MIDEAS: variants seen among roughly 807,000 people sequenced by gnomAD.
MIDEAS encodes the protein mitotic deacetylase associated SANT domain protein.
MIDEAS carries 26 observed loss-of-function variants against 102.7 expected under a neutral mutation model. That is an observed-to-expected ratio of 0.25 (90% confidence interval 0.19 to 0.35). The LOEUF (loss-of-function observed/expected upper bound fraction) is 0.35. Among genes scored for constraint, MIDEAS ranks in the 10% least tolerant of loss-of-function variants. MIDEAS has a pLI of 1.00. For missense variants in MIDEAS, 1,231 were observed against 1,435.6 expected (o/e 0.86, Z 2.30); for synonymous variants, 585 against 591.0 (o/e 0.99, Z 0.15).
chr14:73,777,357 A>T (rs2053700968), intron 1 of MIDEAS, among the ~76,000 whole-genome samples: 1 of 151,998 alleles, frequency 6.6e-6, no homozygotes, highest in Admixed American at 6.6e-5. Context: ...TCGGACATTC[A>T]GTGAGCCACC....
intron 1 of MIDEAS, among the ~76,000 whole-genome samples, chr14:73,778,120 C>T (rs748865169): frequency 1.2e-4 from 18 of 151,862 alleles, no homozygotes; most frequent in Non-Finnish European, 2.5e-4. Context: ...TTTGGGAGGC[C>T]GAGGCAGGTG....
At chr14:73,774,726 T>C (rs143809078) in intron 1 of MIDEAS, among the ~76,000 whole-genome samples, 1 of 151,764 alleles carries the variant, frequency 6.6e-6, no homozygotes, top group East Asian at 2.0e-4. Flanking sequence ...CCCAAGCAAA[T>C]AGCAGAGACA....
In MIDEAS at chr14:73,769,313, C is replaced by T. The variant is rs10151953; in HGVS notation, c.-248+17789G>A. On this transcript the variant is annotated intron_variant, in intron 1 of 11. Coordinates refer to the MIDEAS transcript ENST00000394071. ...AAGTGGTTCAAGGAGATAAATGAGG[C>T]GGGAGGCTCTGCAGTCACAGGACAT... Among the ~76,000 whole-genome samples the T allele has an allele frequency of 8.4e-3, 1,281 of 152,200 alleles. 16 individuals are homozygous for T. The highest frequency in any genetic ancestry group is 0.029 in the African/African-American group (1,210 of 41,514).
chr14:73,731,172 A>G (rs1240032288), intron 3 of MIDEAS, among the ~76,000 whole-genome samples: 1 of 152,208 alleles, frequency 6.6e-6, no homozygotes, highest in Non-Finnish European at 1.5e-5. Flanking sequence ...CCCTTGCTCG[A>G]TTCCTATAAT....
intron 1 of MIDEAS, among the ~76,000 whole-genome samples, chr14:73,785,999 T>G (rs763966067): frequency 2.0e-5 from 3 of 152,244 alleles, no homozygotes; most frequent in African/African-American, 2.4e-5. Flanking sequence ...CACAATAGCC[T>G]GTGTATAAAC....
chr14:73,748,977 T>C (rs60557544), intron 1 of MIDEAS, among the ~76,000 whole-genome samples: 2,449 of 152,068 alleles, frequency 0.016, 48 homozygotes, highest in African/African-American at 0.054. Context: ...CAAATAACAG[T>C]AGGAAACTTC....
Position 73,729,894 on chromosome 14 carries a change from T to C in MIDEAS, c.1841A>G (p.Lys614Arg). 1 of 1,613,050 alleles carries C rather than the reference T, an allele frequency of 6.2e-7. No homozygotes were observed. ...GGGAGGGGCGATGAAAGTGCCCGCC[T>C]TGGTGGGGATGATGAGGGGCTCGGG... ...PRPEPLIIPT[K>R]AGTFIAPPVY... Residue 614 changes from lysine (K) to arginine (R), a missense_variant, in exon 4 of 13, where the codon AAG becomes AGG. Lys to Arg is a conservative substitution (Grantham distance 26). Coordinates refer to ENST00000423556, the MANE Select transcript of MIDEAS (RefSeq NM_001367710.1).
Position 73,736,994 on chromosome 14 carries a change from A to G in MIDEAS, c.1749+4T>C. ...GAGGTGTTTAGAAGGGGCGCCTCTC[A>G]TACCTGAGCTTGAGCATCTGTCCCG... On this transcript the variant is annotated splice_donor_region_variant and intron_variant, in intron 3 of 12. Coordinates refer to ENST00000423556, the MANE Select transcript of MIDEAS (RefSeq NM_001367710.1). 1 of 1,610,176 alleles carries G rather than the reference A, an allele frequency of 6.2e-7. No homozygotes were observed. Among genetic ancestry groups the G allele is most frequent in the Non-Finnish European group, 8.5e-7 (1 of 1,177,778 alleles).
chr14:73,742,123 C>T lies in MIDEAS; in HGVS notation c.-247-1868G>A, dbSNP rs1046966879. ...GTGGGACTGTCTGGCTCCGCCTCTC[C>T]GAGGGAACATCAAGCCCACAGAACT... On this transcript the variant is annotated intron_variant, in intron 1 of 12. Transcript: ENST00000423556. The surrounding 1 kb of genome is among the most constrained non-coding windows in gnomAD (Gnocchi z 4.4). Among the ~76,000 whole-genome samples the T allele has an allele frequency of 6.6e-6, 1 of 152,208 alleles. No individual in the cohort carries two copies. The highest frequency in any genetic ancestry group is 6.5e-5 in the Admixed American group (1 of 15,292).
At chr14:73,737,791 T>G (rs942138772) in intron 2 of MIDEAS, among the ~76,000 whole-genome samples, 133 of 143,368 alleles carry the variant, frequency 9.3e-4, no homozygotes, top group African/African-American at 3.5e-3. Flanking sequence ...TTTTTTTTTT[T>G]TTTTTGGAGA....
In MIDEAS at chr14:73,727,506, G is replaced by A. The variant is rs749100445; in HGVS notation, c.2114C>T (p.Pro705Leu). 60 of 1,612,840 alleles carry A rather than the reference G, an allele frequency of 3.7e-5. No homozygotes were observed. The highest frequency in any genetic ancestry group is 4.6e-5 in the Non-Finnish European group (54 of 1,179,514). The stretch of plus-strand genomic sequence containing the variant: ...CTCCCCCATCACAGAGAGGACAGGC[G>A]GGGTTACTTCAGCACTGTCTATGGG... Reference protein sequence around the residue: ...LLRTNSAEVTPPVLSVMGEAT... With the variant: ...LLRTNSAEVTLPVLSVMGEAT... Residue 705 changes from proline to leucine, a missense_variant, in exon 5 of 13, where the codon CCG (proline) becomes CTG (leucine). By Grantham distance (98) the Pro-to-Leu change is moderately conservative (BLOSUM62 -3). Transcript: ENST00000423556.
At chr14:73,740,946 CAGTCCT>C (rs2053273647) in intron 1 of MIDEAS, among the ~76,000 whole-genome samples, 1 of 152,240 alleles carries the variant, frequency 6.6e-6, no homozygotes. Flanking sequence ...AGGGTGTGTG[CAGTCCT>C]AGCCCCACCC....
intron 1 of MIDEAS, chr14:73,758,598 T>C (rs915881847): frequency 6.5e-6 from 1 of 153,112 alleles, no homozygotes; most frequent in East Asian, 1.9e-4. Context: ...TCTTCCCCCA[T>C]CCCACCGCCC....
chr14:73,720,598 A>G (rs991064749), intron 11 of MIDEAS, among the ~76,000 whole-genome samples: 1 of 152,150 alleles, frequency 6.6e-6, no homozygotes, highest in Non-Finnish European at 1.5e-5. Context: ...CAGCTCCCCA[A>G]TAAACCCCTT....
intron 1 of MIDEAS, among the ~76,000 whole-genome samples, chr14:73,770,108 G>A (rs1327088827): frequency 1.3e-5 from 2 of 151,972 alleles, no homozygotes; most frequent in South Asian, 2.1e-4. Context: ...ATTATGGTAC[G>A]GTAAGGAAGA....
At chr14:73,722,483 T>TAC (rs2053007981) in intron 10 of MIDEAS, 3 of 412,346 alleles carry the variant, frequency 7.3e-6, no homozygotes, top group Non-Finnish European at 1.3e-5. Flanking sequence ...GTGGGAAAAT[T>TAC]ACCCTGTGTA....
rs1183251251 is a variant in MIDEAS at position 73,729,904 on chromosome 14, T to C, written c.1831A>G (p.Ile611Val). 6.2e-7 allele frequency: 1 copy of C among 1,612,666 alleles called. No individual in the cohort carries two copies. ...KQRPRPEPLI[I>V]PTKAGTFIAP... ...ATGAAAGTGCCCGCCTTGGTGGGGA[T>C]GATGAGGGGCTCGGGCCTGGGCCGC... is the stretch of plus-strand genomic sequence containing the variant. The change falls in exon 4 of 13, where the codon ATC (isoleucine) becomes GTC (valine). Residue 611 changes from isoleucine to valine, a missense_variant. This residue lies in a region of MIDEAS where 758 missense variants were observed against 856.0 expected (regional missense o/e 0.89). Coordinates refer to ENST00000423556, the MANE Select transcript of MIDEAS (RefSeq NM_001367710.1).
intron 1 of MIDEAS, chr14:73,755,083 A>C (rs1462565695): frequency 1.3e-5 from 2 of 152,286 alleles, no homozygotes; most frequent in Admixed American, 6.5e-5. Flanking sequence ...TGAAGGAAGA[A>C]GCACTGCCTG....
intron 1 of MIDEAS, among the ~76,000 whole-genome samples, chr14:73,758,358 CA>C: frequency 6.6e-6 from 1 of 152,352 alleles, no homozygotes; most frequent in Non-Finnish European, 1.5e-5. Flanking sequence ...TAGAGCAAGA[CA>C]GGTGGTTTCT....
Sources: allele counts gnomAD v4.1 joint callset (sites outside exome capture counted in the v4.1 genomes callset), GRCh38; gene constraint gnomAD v4.1.1; regional missense constraint gnomAD v4.1.1; non-coding constraint Gnocchi (gnomAD v3.1); transcripts MANE v1.5; gene names NCBI Gene and HGNC (gene_info 2026-07-23, HGNC 2026-07-21).